TENM4: variants seen among roughly 807,000 people sequenced by gnomAD.
TENM4 encodes the protein teneurin-4.
In TENM4, 82 loss-of-function variants were observed where a neutral mutation model predicts 243.3. The ratio of observed to expected loss-of-function variants is 0.34; its 90% CI spans 0.28 to 0.40. The LOEUF (loss-of-function observed/expected upper bound fraction) is 0.40, where lower values mean the gene tolerates loss of function less well. TENM4 is among the 10% of genes least tolerant of loss of function. TENM4 has a pLI of 1.00. For missense variants in TENM4, 3,138 were observed against 3,673.3 expected, an observed-to-expected ratio of 0.85 and a Z score of 3.77; for synonymous variants, 1,412 against 1,456.3, an observed-to-expected ratio of 0.97 and a Z score of 0.69.
chr11:79,225,520 C>A (rs60128873), intron 2 of TENM4, among the ~76,000 whole-genome samples: 1,912 of 152,268 alleles, frequency 0.013, 47 homozygotes, highest in African/African-American at 0.044. Flanking sequence ...GAGGCTCAAG[C>A]AAGTCTCCCA....
chr11:79,406,554 A>G (rs1365482883), intron 1 of TENM4, among the ~76,000 whole-genome samples: 1 of 152,194 alleles, frequency 6.6e-6, no homozygotes, highest in Non-Finnish European at 1.5e-5. Context: ...CTTTCTCACC[A>G]TGTGATCCAA....
intron 18 of TENM4, among the ~76,000 whole-genome samples, chr11:78,758,237 G>A (rs776208661): frequency 6.6e-6 from 1 of 152,098 alleles, no homozygotes; most frequent in Admixed American, 6.5e-5. Context: ...CCGTGGGAGC[G>A]CACAGATCTG....
chr11:78,810,555 A>AAAAC (rs1333959747), intron 14 of TENM4, among the ~76,000 whole-genome samples: 1 of 152,164 alleles, frequency 6.6e-6, no homozygotes, highest in Non-Finnish European at 1.5e-5. Context: ...TCTCTGGATA[A>AAAAC]AAAGGCCCAG....
intron 2 of TENM4, among the ~76,000 whole-genome samples, chr11:79,223,665 T>C (rs1864205876): frequency 6.6e-6 from 1 of 152,180 alleles, no homozygotes; most frequent in Non-Finnish European, 1.5e-5. Flanking sequence ...ACCCCAGACC[T>C]TGTATGCTCC....
At chr11:79,228,649 A>C (rs986784822) in intron 2 of TENM4, among the ~76,000 whole-genome samples, 1 of 152,192 alleles carries the variant, frequency 6.6e-6, no homozygotes, top group Non-Finnish European at 1.5e-5. Flanking sequence ...TGGAGACGAA[A>C]AAAAAAACAA....
intron 12 of TENM4, among the ~76,000 whole-genome samples, 181 bp from the exon 13 acceptor site, chr11:78,814,576 A>G (rs1450516452): frequency 6.6e-6 from 1 of 152,208 alleles, no homozygotes; most frequent in African/African-American, 2.4e-5. Context: ...GCACAGTTCA[A>G]TTGACATTAG....
At chr11:78,918,408 T>A (rs1856369448) in intron 6 of TENM4, among the ~76,000 whole-genome samples, 1 of 151,364 alleles carries the variant, frequency 6.6e-6, no homozygotes, top group African/African-American at 2.4e-5. Context: ...TTCTCTCAGC[T>A]GTGGAATATT....
At chr11:79,098,982 T>C (rs1347389107) in intron 4 of TENM4, among the ~76,000 whole-genome samples, 1 of 152,218 alleles carries the variant, frequency 6.6e-6, no homozygotes, top group African/African-American at 2.4e-5. Flanking sequence ...TTGAATAAGA[T>C]GACACATGTA....
chr11:79,255,797 C>T (rs1228866478), intron 2 of TENM4, among the ~76,000 whole-genome samples: 1 of 152,178 alleles, frequency 6.6e-6, no homozygotes, highest in Non-Finnish European at 1.5e-5. Context: ...AAGGAAAGCT[C>T]AGGTTTGTTC....
rs146696893 is a variant in TENM4 at position 78,964,839 on chromosome 11, G to A, written c.494-61316C>T. On this transcript the variant is annotated intron_variant, in intron 6 of 33. Coordinates refer to ENST00000278550, the MANE Select transcript of TENM4 (RefSeq NM_001098816.3). ...CAGACTTACCTCCTATTAGTTTTAT[G>A]ATATTAGGAAAAATACTTCCAGCTC... Among the ~76,000 whole-genome samples the A allele has an allele frequency of 1.5e-4, 23 of 152,106 alleles. No individual in the cohort carries two copies. In the East Asian group the frequency reaches 4.4e-3, roughly 29 times the overall value.
intron 1 of TENM4, among the ~76,000 whole-genome samples, chr11:79,309,260 A>G (rs528010672): frequency 2.0e-5 from 3 of 152,254 alleles, no homozygotes; most frequent in Non-Finnish European, 4.4e-5. Flanking sequence ...ATATGCTGTC[A>G]GTTTGCAGCC....
At chr11:79,122,435 G>T (rs975952767) in intron 4 of TENM4, among the ~76,000 whole-genome samples, 5 of 152,146 alleles carry the variant, frequency 3.3e-5, no homozygotes, top group Non-Finnish European at 5.9e-5. Context: ...AAAGCAGGGG[G>T]TCTGATTGAG....
At chr11:78,783,697 C>A (rs1464156805) in intron 16 of TENM4, among the ~76,000 whole-genome samples, 1 of 152,174 alleles carries the variant, frequency 6.6e-6, no homozygotes, top group African/African-American at 2.4e-5. Context: ...AATATTTTTG[C>A]TGTTTGACAA....
intron 4 of TENM4, among the ~76,000 whole-genome samples, chr11:79,138,435 A>G (rs1175804133): frequency 8.6e-6 from 1 of 115,952 alleles, no homozygotes; most frequent in South Asian, 2.3e-4. Context: ...ATATATAAAT[A>G]TATATTATAT....
intron 9 of TENM4, among the ~76,000 whole-genome samples, chr11:78,881,518 C>T (rs942496498): frequency 6.6e-6 from 1 of 152,152 alleles, no homozygotes; most frequent in Non-Finnish European, 1.5e-5. Context: ...ACCCCTCCTT[C>T]CCCCTTGCCC....
intron 3 of TENM4, among the ~76,000 whole-genome samples, chr11:79,186,673 G>C (rs951149330): frequency 6.6e-6 from 1 of 152,100 alleles, no homozygotes. Flanking sequence ...TGGGGGATTG[G>C]GTAGGATGAT....
chr11:79,384,551 C>G (rs1858069613), intron 1 of TENM4, among the ~76,000 whole-genome samples: 1 of 152,178 alleles, frequency 6.6e-6, no homozygotes, highest in South Asian at 2.1e-4. Context: ...TATGAACATG[C>G]ACAAACTACT....
At chr11:79,394,532 G>T (rs1015683167) in intron 1 of TENM4, among the ~76,000 whole-genome samples, 1 of 152,110 alleles carries the variant, frequency 6.6e-6, no homozygotes, top group Non-Finnish European at 1.5e-5. Context: ...CATCACTGTC[G>T]CATGACCCAT....
chr11:78,903,195 G>A, intron 7 of TENM4, 73 bp downstream of exon 7: 3 of 1,439,282 alleles, frequency 2.1e-6, no homozygotes, highest in African/African-American at 1.5e-5. Context: ...GAATGGCCCC[G>A]CCAGCCAAAG....
Sources: allele counts gnomAD v4.1 joint callset (sites outside exome capture counted in the v4.1 genomes callset), GRCh38; gene constraint gnomAD v4.1.1; transcripts MANE v1.5; gene names NCBI Gene and HGNC (gene_info 2026-07-23, HGNC 2026-07-21).